The following TEX36 variants were observed in gnomAD, a reference collection of about 807,000 sequenced individuals.
TEX36 encodes the protein testis expressed 36.
In TEX36, 12 loss-of-function variants were observed where a neutral mutation model predicts 13.6. The ratio of observed to expected loss-of-function variants is 0.88; its 90% CI spans 0.56 to 1.43. TEX36 has a LOEUF of 1.43. TEX36 is among the 40% of genes most tolerant of loss of function. TEX36 has a pLI of 0.00. For synonymous variants in TEX36, 93 were observed against 83.0 expected (o/e 1.12, Z -0.65); for missense variants, 224 against 228.3 (o/e 0.98, Z 0.12).
In TEX36 at chr10:125,661,931, C is replaced by T; in HGVS notation, c.98G>A (p.Ser33Asn). Residue 33 changes from serine to asparagine, a missense_variant, in exon 2 of 4, where the codon AGT becomes AAT. Ser to Asn is a conservative substitution (Grantham distance 46). Transcript: ENST00000368821. ...LTQKTPESIT[S>N]ATSKEPQSPH... is the part of the protein sequence containing the mutation. ...ACTCTGGGGCTCTTTTGACGTAGCA[C>T]TGGTGATGGATTCTGGTGTCTTTTG... 6.4e-7 allele frequency: 1 copy of T among 1,552,296 alleles called. No individual in the cohort carries two copies. Among genetic ancestry groups the T allele is most frequent in the Non-Finnish European group, 8.7e-7 (1 of 1,147,120 alleles).
chr10:125,644,068 G>C (rs979149629), intron 3 of TEX36, among the ~76,000 whole-genome samples: 6 of 152,156 alleles, frequency 3.9e-5, no homozygotes, highest in African/African-American at 1.4e-4. Flanking sequence ...ACAAGCTATA[G>C]AAATAAGTAA....
intron 1 of TEX36, among the ~76,000 whole-genome samples, chr10:125,668,359 G>A (rs964910729): frequency 7.9e-5 from 12 of 151,102 alleles, no homozygotes; most frequent in African/African-American, 2.4e-4. Context: ...GCATTGCTCT[G>A]TTCAGATTTT....
chr10:125,620,275 T>C (rs372768837), downstream of TEX36, among the ~76,000 whole-genome samples: 1 of 152,340 alleles, frequency 6.6e-6, no homozygotes, highest in Non-Finnish European at 1.5e-5. Context: ...TTTTAAATTA[T>C]AATAATAAAA....
In TEX36 at chr10:125,636,203, A is replaced by ATT. The variant is rs748673256; in HGVS notation, c.265-14560_265-14559dup. On this transcript the variant is annotated intron_variant, in intron 3 of 3. Coordinates refer to the TEX36 transcript ENST00000526819. Reference sequence around the variant, plus strand: ...AAATGTTTACAACTGTGTTTGCTGAATTTTTTTTTTTTTTTTTTTTGAGAC... The same window carrying ATT: ...AAATGTTTACAACTGTGTTTGCTGAATTTTTTTTTTTTTTTTTTTTTTGAGAC... Among the ~76,000 whole-genome samples, 384 of 121,684 alleles carry ATT rather than the reference A, an allele frequency of 3.2e-3. 5 individuals are homozygous for ATT. Among genetic ancestry groups the ATT allele is most frequent in the African/African-American group, 0.012 (351 of 28,368 alleles). The allele number at this position is 121,684 out of a possible 152,430, so 79.8% of individuals were successfully genotyped here.
chr10:125,641,030 T>G (rs541852566), intron 3 of TEX36, among the ~76,000 whole-genome samples: 106 of 151,452 alleles, frequency 7.0e-4, no homozygotes, highest in African/African-American at 2.5e-3. Context: ...AAAAAAAAAT[T>G]TAATTGGGAT....
intron 3 of TEX36, among the ~76,000 whole-genome samples, chr10:125,634,755 T>C (rs1203357956): frequency 7.9e-5 from 12 of 152,202 alleles, no homozygotes; most frequent in Non-Finnish European, 7.3e-5. Context: ...GTTTAGCGGT[T>C]GGCTGTGCTG....
At chr10:125,658,496 T>C (rs750952300) in intron 3 of TEX36, among the ~76,000 whole-genome samples, 2 of 152,032 alleles carry the variant, frequency 1.3e-5, no homozygotes, top group Non-Finnish European at 1.5e-5. Context: ...AAGACAAGGA[T>C]ATGAAAGATT....
intron 3 of TEX36, among the ~76,000 whole-genome samples, chr10:125,644,371 G>C (rs1337815794): frequency 6.6e-6 from 1 of 151,828 alleles, no homozygotes; most frequent in East Asian, 1.9e-4. Flanking sequence ...ACATGGAGGA[G>C]AGAAAATAAT....
At chr10:125,589,128 T>C (rs1044135722) in intron 3 of TEX36, among the ~76,000 whole-genome samples, 1 of 152,194 alleles carries the variant, frequency 6.6e-6, no homozygotes, top group Non-Finnish European at 1.5e-5. Context: ...TTAAAAACCA[T>C]CTCTATTTCT....
chr10:125,638,530 C>T (rs997654906), intron 3 of TEX36, among the ~76,000 whole-genome samples: 24 of 152,156 alleles, frequency 1.6e-4, no homozygotes, highest in Admixed American at 9.2e-4. Flanking sequence ...GTGAGACCCA[C>T]TGTGGACTTC....
intron 3 of TEX36, among the ~76,000 whole-genome samples, chr10:125,628,475 T>C (rs1233251803): frequency 6.9e-6 from 1 of 145,116 alleles, no homozygotes; most frequent in African/African-American, 2.8e-5. Context: ...TTTTTAGAAG[T>C]TGCTTTCTTT....
chr10:125,669,160 G>C (rs1847177036), intron 1 of TEX36, among the ~76,000 whole-genome samples: 1 of 152,006 alleles, frequency 6.6e-6, no homozygotes. Flanking sequence ...GTGTGATGGT[G>C]TGCACCTGTA....
chr10:125,671,047 G>A (rs1434768006), intron 1 of TEX36, among the ~76,000 whole-genome samples: 1 of 151,884 alleles, frequency 6.6e-6, no homozygotes, highest in African/African-American at 2.4e-5. Flanking sequence ...AGATTATGGG[G>A]TTTTCTAGAT....
chr10:125,669,601 CTTTAT>C (rs761560419), intron 1 of TEX36, among the ~76,000 whole-genome samples: 26 of 151,962 alleles, frequency 1.7e-4, no homozygotes, highest in Non-Finnish European at 3.2e-4. Flanking sequence ...ATTTATTTAA[CTTTAT>C]TTTAAGTTCT....
At chr10:125,580,681 G>T (rs977801515) in intron 3 of TEX36, among the ~76,000 whole-genome samples, 1 of 152,178 alleles carries the variant, frequency 6.6e-6, no homozygotes, top group East Asian at 1.9e-4. Context: ...AAAGTCCAAT[G>T]ACCAGAAAGG....
At chr10:125,660,501 C>A (rs1847017665) in intron 3 of TEX36, among the ~76,000 whole-genome samples, 1 of 152,210 alleles carries the variant, frequency 6.6e-6, no homozygotes, top group Non-Finnish European at 1.5e-5. Context: ...TAAAATTATG[C>A]ATACAGTTTA....
downstream of TEX36, among the ~76,000 whole-genome samples, chr10:125,651,072 A>G (rs183634233): frequency 1.3e-5 from 2 of 152,332 alleles, no homozygotes; most frequent in Admixed American, 1.3e-4. Flanking sequence ...AGAGGTACAA[A>G]GAGTAGCTGG....
intron 3 of TEX36, among the ~76,000 whole-genome samples, chr10:125,596,135 C>A (rs1172015826): frequency 6.6e-6 from 1 of 152,210 alleles, no homozygotes; most frequent in East Asian, 1.9e-4. Flanking sequence ...GCTGATGTAA[C>A]TGTGGTGGGC....
intron 3 of TEX36, among the ~76,000 whole-genome samples, chr10:125,660,788 T>C (rs1847022619): frequency 6.6e-6 from 1 of 152,162 alleles, no homozygotes. Context: ...TGCAGAAGGA[T>C]GAAGCGCACT....
Sources: gnomAD v4.1 joint callset for allele counts (sites outside exome capture counted in the v4.1 genomes callset) on GRCh38, gnomAD v4.1.1 for gene constraint, MANE v1.5 for transcripts, NCBI Gene and HGNC (gene_info 2026-07-23, HGNC 2026-07-21) for gene names.